The following GPRC5A variants were observed in gnomAD, a reference collection of about 807,000 sequenced individuals.
GPRC5A encodes G protein-coupled receptor class C group 5 member A, also known as retinoic acid-induced protein 3.
GPRC5A carries 19 observed loss-of-function variants against 22.5 expected under a neutral mutation model. The ratio of observed to expected loss-of-function variants is 0.85; its 90% CI spans 0.59 to 1.24. GPRC5A has a LOEUF of 1.24. GPRC5A is among the 50% of genes most tolerant of loss of function. The pLI is 0.00. For missense variants in GPRC5A, 471 were observed against 451.1 expected (o/e 1.04, Z -0.40); for synonymous variants, 192 against 184.5 (o/e 1.04, Z -0.33).
chr12:12,895,374 C>CT (rs11448107), intron 1 of GPRC5A, among the ~76,000 whole-genome samples: 62,975 of 140,118 alleles, frequency 0.45, 15,550 homozygotes, highest in Non-Finnish European at 0.57. Flanking sequence ...ATAGTTTAGT[C>CT]TTTTTTTTTT....
chr12:12,907,257 C>T (rs1207056510), intron 1 of GPRC5A, among the ~76,000 whole-genome samples: 4 of 151,286 alleles, frequency 2.6e-5, no homozygotes, highest in East Asian at 4.0e-4. Context: ...AAAAATTAGC[C>T]GGGCATGGTG....
chr12:12,901,745 T>C (rs1219435028), intron 1 of GPRC5A, among the ~76,000 whole-genome samples: 2 of 136,232 alleles, frequency 1.5e-5, no homozygotes, highest in Non-Finnish European at 3.0e-5. Flanking sequence ...GATGTGTGTC[T>C]CATCAGACTT....
Position 12,915,624 on chromosome 12 carries a change from TCTCCTC to T in GPRC5A, c.*3099_*3104del, listed in dbSNP as rs143086058. Reference sequence around the variant, plus strand: ...GTTTCTCCTTCTTCCTTCTCCTCCTTCTCCTCCTCCTCCTCCTCCACCATGCCCGGC... The same window carrying T: ...GTTTCTCCTTCTTCCTTCTCCTCCTTCTCCTCCTCCTCCACCATGCCCGGC... On this transcript the variant is annotated 3_prime_UTR_variant, in exon 4 of 4. Transcript: ENST00000014914. The T allele has an allele frequency of 1.6e-5, 3 of 186,168 alleles. No individual in the cohort carries two copies. Among genetic ancestry groups the T allele is most frequent in the African/African-American group, 2.4e-5 (1 of 42,068 alleles). 11.5% of individuals were successfully genotyped at this position (186,168 alleles called of 1,614,324 possible). A position where few individuals can be genotyped will look rare whatever the true frequency, so the allele number is the denominator to read the frequency against.
intron 1 of GPRC5A, among the ~76,000 whole-genome samples, chr12:12,894,932 C>A (rs780600623): frequency 6.6e-6 from 1 of 151,924 alleles, no homozygotes; most frequent in Non-Finnish European, 1.5e-5. Context: ...GTGCCCGCCA[C>A]CATGCCCGGC....
Position 12,916,005 on chromosome 12 carries a change from G to A in GPRC5A, c.*3466G>A. On this transcript the variant is annotated 3_prime_UTR_variant, in exon 4 of 4. Coordinates refer to ENST00000014914, the MANE Select transcript of GPRC5A (RefSeq NM_003979.4). ...TCTCACACCTTCTGCACATAAATAA[G>A]CTATTTTTAAAAGTTATTATTTTTT... 3.0e-6 allele frequency: 1 copy of A among 336,396 alleles called. No homozygotes were observed. Among genetic ancestry groups the A allele is most frequent in the South Asian group, 2.3e-5 (1 of 44,298 alleles). The allele number at this position is 336,396 out of a possible 1,614,324, so 20.8% of individuals were successfully genotyped here. A position where few individuals can be genotyped will look rare whatever the true frequency, so the allele number is the denominator to read the frequency against.
chr12:12,904,726 GATA>G (rs1479653939), intron 1 of GPRC5A, among the ~76,000 whole-genome samples: 2 of 151,910 alleles, frequency 1.3e-5, no homozygotes, highest in African/African-American at 4.8e-5. Flanking sequence ...ATAATATCGT[GATA>G]ATATATATTC....
At chr12:12,892,600 A>G in intron 1 of GPRC5A, among the ~76,000 whole-genome samples, 1 of 152,004 alleles carries the variant, frequency 6.6e-6, no homozygotes, top group African/African-American at 2.4e-5. Context: ...CTCCCGACCT[A>G]AGGTGATCTG....
intron 1 of GPRC5A, among the ~76,000 whole-genome samples, chr12:12,894,772 GTTTTT>G (rs56794431): frequency 1.5e-5 from 1 of 67,462 alleles, no homozygotes; most frequent in East Asian, 5.1e-4. Flanking sequence ...GTCTAGGATG[GTTTTT>G]TTTTTTTTTT....
intron 2 of GPRC5A, among the ~76,000 whole-genome samples, chr12:12,911,395 G>A (rs1238829922): frequency 1.3e-5 from 2 of 152,022 alleles, no homozygotes; most frequent in Non-Finnish European, 2.9e-5. Flanking sequence ...TTCCTTGTCA[G>A]GCAGTTGAAA....
chr12:12,914,544 C>CTTT lies in GPRC5A; in HGVS notation c.*2005_*2006insTTT, dbSNP rs71448868. 7.4e-6 allele frequency: 1 copy of CTTT among 135,890 alleles called. No individual in the cohort carries two copies. The highest frequency in any genetic ancestry group is 7.4e-5 in the Admixed American group (1 of 13,516). The allele number at this position is 135,890 out of a possible 1,614,324, so 8.4% of individuals were successfully genotyped here. ...TCTTTCTCTCTTTCCTTCCTTCCTT[C>CTTT]CTTTCTTCTTTCTTTCTTTCTTTCT... On this transcript the variant is annotated 3_prime_UTR_variant, in exon 4 of 4. Coordinates refer to ENST00000014914, the MANE Select transcript of GPRC5A (RefSeq NM_003979.4).
Position 12,915,927 on chromosome 12 carries a change from G to A in GPRC5A, c.*3388G>A, listed in dbSNP as rs185977525. Reference sequence around the variant, plus strand: ...TGGCAGAAGGTTGCTGCTCATTTGAGCAGTACCTGTCACCCCTCCTCCCAC... The same window carrying A: ...TGGCAGAAGGTTGCTGCTCATTTGAACAGTACCTGTCACCCCTCCTCCCAC... On this transcript the variant is annotated 3_prime_UTR_variant, in exon 4 of 4. Transcript: ENST00000014914. The A allele has an allele frequency of 6.5e-4, 336 of 517,266 alleles. 2 individuals carry two copies. The Middle Eastern group carries it at 9.9e-3, about 15-fold the overall frequency. 32.0% of individuals were successfully genotyped at this position (517,266 alleles called of 1,614,324 possible).
At chr12:12,904,564 C>CT (rs2136459291) in intron 1 of GPRC5A, among the ~76,000 whole-genome samples, 1 of 152,148 alleles carries the variant, frequency 6.6e-6, no homozygotes, top group Non-Finnish European at 1.5e-5. Context: ...CCATGGAGTG[C>CT]TTAGAGCAGT....
chr12:12,907,462 G>T (rs1863955161), intron 1 of GPRC5A, among the ~76,000 whole-genome samples: 1 of 151,182 alleles, frequency 6.6e-6, no homozygotes. Flanking sequence ...TCTTATCCAT[G>T]AGAGAATAGG....
intron 1 of GPRC5A, among the ~76,000 whole-genome samples, chr12:12,897,008 C>G (rs901431954): frequency 1.3e-5 from 2 of 152,090 alleles, no homozygotes; most frequent in Non-Finnish European, 2.9e-5. Context: ...AGGTGGATCA[C>G]TTGAGCCCAG....
intron 1 of GPRC5A, among the ~76,000 whole-genome samples, chr12:12,902,459 T>G (rs1303195838): frequency 6.6e-6 from 1 of 152,108 alleles, no homozygotes; most frequent in African/African-American, 2.4e-5. Context: ...AAGGAGTTTT[T>G]ATCTTTTAGA....
rs1050609111 is a variant in GPRC5A at position 12,912,323 on chromosome 12, G to C, written c.982-124G>C. On this transcript the variant is annotated intron_variant, in intron 3 of 3. Transcript: ENST00000014914. ...TGGGTAAGAATGAGTGCTTGGCATA[G>C]AGAGGACTTGGGGGTGGGAGGCCTG... 5.9e-6 allele frequency: 5 copies of C among 843,628 alleles called. No individual in the cohort carries two copies. The South Asian group carries it at 7.2e-5, about 12-fold the overall frequency. 52.3% of individuals were successfully genotyped at this position (843,628 alleles called of 1,614,324 possible).
chr12:12,900,894 A>AAAAAAAC (rs1863877377), intron 1 of GPRC5A, among the ~76,000 whole-genome samples: 1 of 122,798 alleles, frequency 8.1e-6, no homozygotes, highest in African/African-American at 3.9e-5. Context: ...TCCGTCTCAA[A>AAAAAAAC]AAAAAAAAAA....
At position 12,908,631 on chromosome 12, in the gene GPRC5A, C is replaced by T. The variant is rs559151362; in HGVS notation, c.382C>T (p.Pro128Ser). The change falls in exon 2 of 4, where the codon CCC becomes TCC. Residue 128 changes from proline to serine, a missense_variant. Pro to Ser is a moderately conservative substitution (Grantham distance 74). Coordinates refer to ENST00000014914, the MANE Select transcript of GPRC5A (RefSeq NM_003979.4). ...SLTKLVRGRK[P>S]LSLLVILGLA... ...GACCAAGCTCGTCCGGGGGAGGAAG[C>T]CCCTTTCCCTGTTGGTGATTCTGGG... 6.2e-7 allele frequency: 1 copy of T among 1,613,842 alleles called. No homozygotes were observed. The highest frequency in any genetic ancestry group is 8.5e-7 in the Non-Finnish European group (1 of 1,179,838).
rs12366842 is a variant in GPRC5A at position 12,908,519 on chromosome 12, C to G, written c.270C>G (p.Asp90Glu). The change falls in exon 2 of 4, where the codon GAC becomes GAG. Residue 90 changes from aspartate (D) to glutamate (E), a missense_variant. Coordinates refer to ENST00000014914, the MANE Select transcript of GPRC5A (RefSeq NM_003979.4). The part of the protein sequence containing the change: ...GLTFAFIIGL[D>E]GSTGPTRFFL... ...CCTTCGCCTTCATCATCGGACTGGA[C>G]GGGAGCACAGGGCCCACACGCTTCT... 15 of 1,614,104 alleles carry G rather than the reference C, an allele frequency of 9.3e-6. No homozygotes were observed. The highest frequency in any genetic ancestry group is 1.6e-4 in the Middle Eastern group (1 of 6,062).
Sources: allele counts gnomAD v4.1 joint callset (sites outside exome capture counted in the v4.1 genomes callset), GRCh38; gene constraint gnomAD v4.1.1; transcripts MANE v1.5; gene names NCBI Gene and HGNC (gene_info 2026-07-23, HGNC 2026-07-21).